Variants in PGPEP1L observed in about 807,000 individuals in gnomAD.
PGPEP1L encodes pyroglutamyl-peptidase 1-like protein.
In PGPEP1L, 7 loss-of-function variants were observed where a neutral mutation model predicts 6.0. The ratio of observed to expected loss-of-function variants is 1.17; its 90% CI spans 0.66 to 2.19. The LOEUF (loss-of-function observed/expected upper bound fraction) is 2.19, where lower values mean the gene tolerates loss of function less well. Ranked by LOEUF, PGPEP1L falls within the 30% of genes most tolerant of loss-of-function variation. PGPEP1L has a pLI of 0.00. For missense variants in PGPEP1L, 209 were observed against 192.5 expected (o/e 1.09, Z -0.51); for synonymous variants, 103 against 83.9 (o/e 1.23, Z -1.24).
chr15:98,992,355 A>G (rs759925178), intron 2 of PGPEP1L, among the ~76,000 whole-genome samples: 2 of 152,136 alleles, frequency 1.3e-5, no homozygotes, highest in Non-Finnish European at 2.9e-5. Flanking sequence ...CACAATTGCT[A>G]CAAAGAGAAT....
At chr15:98,981,320 G>A (rs571850837) in intron 2 of PGPEP1L, among the ~76,000 whole-genome samples, 115 of 151,930 alleles carry the variant, frequency 7.6e-4, no homozygotes, top group African/African-American at 2.2e-3. Flanking sequence ...GTGAAACCCC[G>A]TCTCCACTAA....
At chr15:99,000,425 G>A (rs1056062024) in intron 2 of PGPEP1L, among the ~76,000 whole-genome samples, 4 of 152,228 alleles carry the variant, frequency 2.6e-5, no homozygotes, top group African/African-American at 7.2e-5. Context: ...CTCCACCTAC[G>A]GCCCCAGTGC....
rs1417844192 is a variant in PGPEP1L, at chr15:98,968,514, T to A, written c.393A>T (p.Glu131Asp). ...GKPKHRAQFEENSTMVLPAKG... is the reference protein window; with the variant it reads ...GKPKHRAQFEDNSTMVLPAKG... The stretch of plus-strand genomic sequence containing the variant: ...TGGCTGGAAGGACCATGGTTGAGTT[T>A]TCTTCGAACTGGGCTCTGTGCTTGG... The change falls in exon 5 of 5, where the codon GAA (glutamate) becomes GAT (aspartate). Residue 131 changes from glutamate (E) to aspartate (D), a missense_variant. Coordinates refer to ENST00000535714, the MANE Select transcript of PGPEP1L (RefSeq NM_001167902.2). 2.5e-6 allele frequency: 4 copies of A among 1,613,738 alleles called. 1 individual carries two copies. In the South Asian group the frequency reaches 4.4e-5, roughly 18 times the overall value.
chr15:98,984,061 G>A (rs2017709812), intron 2 of PGPEP1L, among the ~76,000 whole-genome samples: 1 of 142,012 alleles, frequency 7.0e-6, no homozygotes, highest in Admixed American at 7.4e-5. Context: ...CTGTCGCCCA[G>A]GCTGGAGTGC....
At chr15:99,002,091 A>G (rs1255368664) in intron 2 of PGPEP1L, among the ~76,000 whole-genome samples, 1 of 152,118 alleles carries the variant, frequency 6.6e-6, no homozygotes, top group Admixed American at 6.5e-5. Flanking sequence ...AGCTTACTGC[A>G]GCTTCCATCT....
At chr15:98,986,771 T>C (rs1200123991) in intron 2 of PGPEP1L, among the ~76,000 whole-genome samples, 1 of 152,120 alleles carries the variant, frequency 6.6e-6, no homozygotes, top group South Asian at 2.1e-4. Flanking sequence ...TGTCAAAATT[T>C]TATGCAGTAC....
At chr15:98,984,889 A>G (rs749893065) in intron 2 of PGPEP1L, among the ~76,000 whole-genome samples, 4 of 152,098 alleles carry the variant, frequency 2.6e-5, no homozygotes, top group Non-Finnish European at 4.4e-5. Context: ...GGTGGAGAAG[A>G]CAAACTCGAC....
At chr15:98,972,544 C>T (rs1343063834) in intron 2 of PGPEP1L, among the ~76,000 whole-genome samples, 2 of 151,852 alleles carry the variant, frequency 1.3e-5, no homozygotes, top group Admixed American at 1.3e-4. Context: ...CAATCATAAC[C>T]TTGAGTGGAA....
At chr15:98,980,719 G>A (rs531729332) in intron 2 of PGPEP1L, among the ~76,000 whole-genome samples, 5 of 152,250 alleles carry the variant, frequency 3.3e-5, no homozygotes, top group African/African-American at 9.6e-5. Flanking sequence ...ATCACCTGAG[G>A]TCAGGAGTTT....
In PGPEP1L at chr15:98,969,647, A is replaced by G. The variant is rs748035492; in HGVS notation, c.-14T>C. 7.4e-6 allele frequency: 12 copies of G among 1,610,958 alleles called. No individual in the cohort carries two copies. In the South Asian group the frequency reaches 1.2e-4, roughly 16 times the overall value. The stretch of plus-strand genomic sequence containing the variant: ...GGCGGTGTCCATGCCCACATGCACG[A>G]CGAGCTGTGTGAACGGGTAACAGCA... On this transcript the variant is annotated 5_prime_UTR_variant, in exon 4 of 5. Coordinates refer to ENST00000535714, the MANE Select transcript of PGPEP1L (RefSeq NM_001167902.2).
At chr15:98,993,320 T>C (rs1490082931) in intron 2 of PGPEP1L, among the ~76,000 whole-genome samples, 1 of 152,184 alleles carries the variant, frequency 6.6e-6, no homozygotes, top group Non-Finnish European at 1.5e-5. Flanking sequence ...AAAGACGACA[T>C]TTATGTGGCC....
chr15:98,984,250 A>T (rs1310184054), intron 2 of PGPEP1L, among the ~76,000 whole-genome samples: 1 of 151,962 alleles, frequency 6.6e-6, no homozygotes, highest in Non-Finnish European at 1.5e-5. Context: ...GACCTTGTGA[A>T]CCACCCACCG....
chr15:98,987,768 T>C (rs1221350909), intron 2 of PGPEP1L, among the ~76,000 whole-genome samples: 5 of 152,160 alleles, frequency 3.3e-5, no homozygotes, highest in Admixed American at 2.6e-4. Context: ...GATTTCTGCA[T>C]TTCCAACTGA....
In PGPEP1L at chr15:99,007,463, G is replaced by C. The variant is rs2018095940; in HGVS notation, c.-474C>G. 1 of 152,316 alleles carries C rather than the reference G, an allele frequency of 6.6e-6. No individual in the cohort carries two copies. The highest frequency in any genetic ancestry group is 1.5e-5 in the Non-Finnish European group (1 of 68,126). The allele number at this position is 152,316 out of a possible 1,614,324, so 9.4% of individuals were successfully genotyped here. A position where few individuals can be genotyped will look rare whatever the true frequency, so the allele number is the denominator to read the frequency against. On this transcript the variant is annotated 5_prime_UTR_variant, in exon 1 of 5. Coordinates refer to ENST00000535714, the MANE Select transcript of PGPEP1L (RefSeq NM_001167902.2). ...GTGAGTGTTACAGTTTTTAAAGGCA[G>C]CGTGTCCCAAGTTTGTTTCTTCTGA...
Position 99,000,121 on chromosome 15 carries a change from C to A in PGPEP1L, c.-142+5308G>T, listed in dbSNP as rs189880914. Among the ~76,000 whole-genome samples, 395 of 152,316 alleles carry A rather than the reference C, an allele frequency of 2.6e-3. 1 individual carries two copies. Among genetic ancestry groups the A allele is most frequent in the African/African-American group, 8.7e-3 (363 of 41,588 alleles). ...AGCGCGAATTCCGGGTGGGCGTGGG[C>A]TCCGCGGGCCCCGCACTGGGAGTGG... On this transcript the variant is annotated intron_variant, in intron 2 of 4. Transcript: ENST00000535714.
chr15:98,982,601 T>C (rs989435911), intron 2 of PGPEP1L, among the ~76,000 whole-genome samples: 8 of 151,922 alleles, frequency 5.3e-5, no homozygotes, highest in African/African-American at 1.7e-4. Flanking sequence ...CAGGACATGG[T>C]TGACGCTGAG....
chr15:98,988,611 C>A (rs987143729), intron 2 of PGPEP1L, among the ~76,000 whole-genome samples: 1 of 152,202 alleles, frequency 6.6e-6, no homozygotes, highest in South Asian at 2.1e-4. Flanking sequence ...AAGAGAGGAG[C>A]GGATCTCCCA....
intron 2 of PGPEP1L, among the ~76,000 whole-genome samples, chr15:98,998,563 G>C (rs972260536): frequency 2.0e-5 from 3 of 152,182 alleles, no homozygotes; most frequent in African/African-American, 7.2e-5. Context: ...AAAAGGGATA[G>C]GTTCGTCAAC....
intron 2 of PGPEP1L, among the ~76,000 whole-genome samples, chr15:98,974,700 C>T (rs936549012): frequency 6.6e-6 from 1 of 152,210 alleles, no homozygotes; most frequent in African/African-American, 2.4e-5. Context: ...AGTTCAAGAC[C>T]AGCCTGGCCA....
Sources: allele counts gnomAD v4.1 joint callset (sites outside exome capture counted in the v4.1 genomes callset), GRCh38; gene constraint gnomAD v4.1.1; transcripts MANE v1.5; gene names NCBI Gene and HGNC (gene_info 2026-07-23, HGNC 2026-07-21).